VPS13A: variants seen among roughly 807,000 people sequenced by gnomAD.
The protein encoded by VPS13A is vacuolar protein sorting 13 homolog A.
A neutral mutation model predicts 390.9 loss-of-function variants in VPS13A; 264 were observed. That is an observed-to-expected ratio of 0.68 (90% confidence interval 0.61 to 0.75). The LOEUF (loss-of-function observed/expected upper bound fraction) is 0.75. Among genes scored for constraint, VPS13A ranks in the 30% least tolerant of loss-of-function variants. The pLI is 0.00. For synonymous variants in VPS13A, 1,231 were observed against 1,227.1 expected, an observed-to-expected ratio of 1.00 and a Z score of -0.07; for missense variants, 3,409 against 3,733.9, an observed-to-expected ratio of 0.91 and a Z score of 2.27.
At chr9:77,220,622 T>G (rs1823154971) in intron 12 of VPS13A, among the ~76,000 whole-genome samples, 1 of 152,080 alleles carries the variant, frequency 6.6e-6, no homozygotes, top group Non-Finnish European at 1.5e-5. Context: ...TAGTTTTCAT[T>G]TACTATGGAC....
At chr9:77,276,035 G>A (rs200806376) in intron 25 of VPS13A, 30 bp from the exon 26 acceptor site, 7 of 1,606,266 alleles carry the variant, frequency 4.4e-6, no homozygotes, top group Non-Finnish European at 5.1e-6. Flanking sequence ...GTTTTATGTA[G>A]TGGTAATTTC....
Position 77,339,886 on chromosome 9 carries a change from C to T in VPS13A, c.6749C>T (p.Pro2250Leu). ...AAGCCAGTTCTCTTTTCTTTTCAGC[C>T]AAATCACTTTTTTAATAACAATAAG... The part of the protein sequence containing the change: ...YKKPVLFSFQ[P>L]NHFFNNNKVQ... Residue 2250 changes from proline to leucine, a missense_variant, in exon 48 of 72, where the codon CCA becomes CTA. Coordinates refer to ENST00000360280, the MANE Select transcript of VPS13A (RefSeq NM_033305.3). The T allele has an allele frequency of 6.2e-7, 1 of 1,612,094 alleles. No individual in the cohort carries two copies. Among genetic ancestry groups the T allele is most frequent in the Non-Finnish European group, 8.5e-7 (1 of 1,179,870 alleles).
Position 77,370,922 on chromosome 9 carries a change from A to G in VPS13A, c.8940A>G (p.Thr2980=). Residue 2980 remains threonine (T), a synonymous_variant, in exon 66 of 72, where the codon ACA becomes ACG. Transcript: ENST00000360280. ...TTAGTGGCATAACAGGAATTGTTAC[A>G]AAACCAATCAAAGGCAAGTATAGTA... ...GFVSGITGIV[T]KPIKGAQKGG... The G allele has an allele frequency of 9.9e-6, 16 of 1,613,926 alleles. No homozygotes were observed. The highest frequency in any genetic ancestry group is 1.4e-5 in the Non-Finnish European group (16 of 1,180,006).
chr9:77,391,449 A>G (rs72748228), intron 68 of VPS13A, among the ~76,000 whole-genome samples: 8,886 of 152,264 alleles, frequency 0.058, 371 homozygotes, highest in South Asian at 0.12. Context: ...ATTTAATGCC[A>G]TCTATTAAAG....
intron 26 of VPS13A, chr9:77,279,956 G>A (rs1826918818): frequency 9.3e-6 from 4 of 429,962 alleles, no homozygotes; most frequent in South Asian, 9.1e-5. Context: ...TGGCACATGA[G>A]GAGGTAAGGG....
intron 31 of VPS13A, among the ~76,000 whole-genome samples, chr9:77,285,186 A>G (rs927937839): frequency 1.3e-5 from 2 of 152,152 alleles, no homozygotes; most frequent in Non-Finnish European, 2.9e-5. Context: ...CCACGTGTCA[A>G]AGAACCAGAG....
At chr9:77,211,021 A>G (rs1002378694) in intron 7 of VPS13A, among the ~76,000 whole-genome samples, 2 of 152,140 alleles carry the variant, frequency 1.3e-5, no homozygotes, top group African/African-American at 4.8e-5. Flanking sequence ...AAAAATCTTC[A>G]GTTTTTCTCA....
In VPS13A at chr9:77,221,237, T is replaced by C. The variant is rs766961332; in HGVS notation, c.1042T>C (p.Trp348Arg). The change falls in exon 13 of 72, where the codon TGG (tryptophan) becomes CGG (arginine). Residue 348 changes from tryptophan to arginine, a missense_variant. This residue lies in a region of VPS13A where 2,717 missense variants were observed against 2,917.4 expected (regional missense o/e 0.93). Transcript: ENST00000360280. ...VLEVNVCPRL[W>R]MWSWKHIRKH... The stretch of plus-strand genomic sequence containing the variant: ...TGAAGTAAATGTTTGCCCCAGGTTA[T>C]GGATGTGGTCATGGAAGCATATTAG... 6.8e-6 allele frequency: 11 copies of C among 1,613,534 alleles called. No individual in the cohort carries two copies. Among genetic ancestry groups the C allele is most frequent in the Non-Finnish European group, 9.3e-6 (11 of 1,179,600 alleles).
chr9:77,201,016 TAG>T (rs908708073), intron 2 of VPS13A, among the ~76,000 whole-genome samples: 3 of 152,148 alleles, frequency 2.0e-5, no homozygotes, highest in Non-Finnish European at 2.9e-5. Flanking sequence ...TTTTGCAAAA[TAG>T]AGTTTTAATC....
intron 19 of VPS13A, among the ~76,000 whole-genome samples, chr9:77,243,183 A>G (rs1218096148): frequency 1.3e-5 from 2 of 151,614 alleles, no homozygotes; most frequent in Non-Finnish European, 2.9e-5. Context: ...TCTTTCTTGT[A>G]TTATAGGTTG....
In VPS13A at chr9:77,307,939, T is replaced by TA. The variant is rs765592704; in HGVS notation, c.3961-4dup. On this transcript the variant is annotated splice_polypyrimidine_tract_variant and splice_region_variant and intron_variant, in intron 34 of 71. Coordinates refer to ENST00000360280, the MANE Select transcript of VPS13A (RefSeq NM_033305.3). ...CTAAAAAGAACAAATCTTTTTTTTTTAACAGTTCATTCTTAGTCAAGAAGA... is the reference window on the plus strand; with the variant it reads ...CTAAAAAGAACAAATCTTTTTTTTTTAAACAGTTCATTCTTAGTCAAGAAGA... 3 of 1,577,662 alleles carry TA rather than the reference T, an allele frequency of 1.9e-6. No individual in the cohort carries two copies. Among genetic ancestry groups the TA allele is most frequent in the Middle Eastern group, 1.7e-4 (1 of 5,956 alleles).
chr9:77,265,098 T>A (rs1825960653), intron 23 of VPS13A, among the ~76,000 whole-genome samples: 1 of 152,202 alleles, frequency 6.6e-6, no homozygotes, highest in Non-Finnish European at 1.5e-5. Context: ...TGGATTACGT[T>A]TATTGATTTG....
rs1413186884 is a variant in VPS13A, at chr9:77,372,358, A to T, written c.9077+1209A>T. Reference sequence around the variant, plus strand: ...TGATTGCCATTCTAACTGGTGTGAGATGGTATCTCATAGTGGTTTTGATTT... The same window carrying T: ...TGATTGCCATTCTAACTGGTGTGAGTTGGTATCTCATAGTGGTTTTGATTT... On this transcript the variant is annotated intron_variant, in intron 67 of 71. Coordinates refer to ENST00000360280, the MANE Select transcript of VPS13A (RefSeq NM_033305.3). Among the ~76,000 whole-genome samples, 5 of 152,064 alleles carry T rather than the reference A, an allele frequency of 3.3e-5. No individual in the cohort carries two copies. In the South Asian group the frequency reaches 1.0e-3, roughly 32 times the overall value.
chr9:77,235,021 T>C (rs1486709693), intron 17 of VPS13A, among the ~76,000 whole-genome samples: 3 of 152,230 alleles, frequency 2.0e-5, no homozygotes, highest in African/African-American at 4.8e-5. Context: ...AGTCTAGGTT[T>C]ATATTTGTTT....
rs1823709025 is a variant in VPS13A at position 77,177,596 on chromosome 9, A to T, written c.-109A>T. 9.6e-7 allele frequency: 1 copy of T among 1,037,296 alleles called. No homozygotes were observed. The allele number at this position is 1,037,296 out of a possible 1,614,324, so 64.3% of individuals were successfully genotyped here. A position where few individuals can be genotyped will look rare whatever the true frequency, so the allele number is the denominator to read the frequency against. Reference sequence around the variant, plus strand: ...TGGGCCAGCGGGGGCGCCGCAGCTGAAGCCGCCCCGGAGCCGGTGAACCGA... The same window carrying T: ...TGGGCCAGCGGGGGCGCCGCAGCTGTAGCCGCCCCGGAGCCGGTGAACCGA... On this transcript the variant is annotated 5_prime_UTR_variant, in exon 1 of 72. Transcript: ENST00000360280.
At chr9:77,398,878 G>A (rs945774891) in intron 68 of VPS13A, among the ~76,000 whole-genome samples, 2 of 151,304 alleles carry the variant, frequency 1.3e-5, no homozygotes, top group Admixed American at 1.3e-4. Flanking sequence ...GGACATGGAT[G>A]AAATTGGAAA....
At chr9:77,185,392 G>T (rs2131056913) in intron 1 of VPS13A, among the ~76,000 whole-genome samples, 1 of 152,140 alleles carries the variant, frequency 6.6e-6, no homozygotes, top group Non-Finnish European at 1.5e-5. Context: ...CACCTGCCTT[G>T]GCCTCCCAAA....
At chr9:77,182,885 A>G (rs958036252) in intron 1 of VPS13A, among the ~76,000 whole-genome samples, 12 of 152,230 alleles carry the variant, frequency 7.9e-5, no homozygotes, top group Admixed American at 3.3e-4. Flanking sequence ...TCATGTGTTT[A>G]GTGGCCACTT....
intron 23 of VPS13A, among the ~76,000 whole-genome samples, chr9:77,265,614 G>A (rs1260571525): frequency 6.6e-6 from 1 of 152,126 alleles, no homozygotes; most frequent in African/African-American, 2.4e-5. Context: ...TCTGATAGTA[G>A]TTTGTAGTTC....
Sources: allele counts gnomAD v4.1 joint callset (sites outside exome capture counted in the v4.1 genomes callset), GRCh38; gene constraint gnomAD v4.1.1; regional missense constraint gnomAD v4.1.1; transcripts MANE v1.5; gene names NCBI Gene and HGNC (gene_info 2026-07-23, HGNC 2026-07-21).